NEBL: variants seen among roughly 807,000 people sequenced by gnomAD.
NEBL encodes LIM and SH3 protein 2.
In NEBL, 122 loss-of-function variants were observed where a neutral mutation model predicts 140.2. That is an observed-to-expected ratio of 0.87 (90% CI 0.75 to 1.01). NEBL has a LOEUF of 1.01. NEBL is among the 50% of genes least tolerant of loss of function. NEBL has a pLI of 0.00. For synonymous variants in NEBL, 436 were observed against 398.9 expected, an observed-to-expected ratio of 1.09 and a Z score of -1.11; for missense variants, 1,365 against 1,231.3, an observed-to-expected ratio of 1.11 and a Z score of -1.62.
intron 3 of NEBL, among the ~76,000 whole-genome samples, chr10:20,966,177 T>C (rs1188200041): frequency 6.6e-6 from 1 of 152,266 alleles, no homozygotes; most frequent in Non-Finnish European, 1.5e-5. Flanking sequence ...AAATTCTATA[T>C]ATGTCATATG....
At chr10:21,054,848 TTCAATTTC>T (rs1834939439) in intron 2 of NEBL, among the ~76,000 whole-genome samples, 1 of 152,194 alleles carries the variant, frequency 6.6e-6, no homozygotes, top group South Asian at 2.1e-4. Flanking sequence ...GCCCAAATTT[TTCAATTTC>T]ATGAAACTTG....
At chr10:21,246,800 C>T (rs1842522466) in intron 3 of NEBL, among the ~76,000 whole-genome samples, 1 of 152,094 alleles carries the variant, frequency 6.6e-6, no homozygotes, top group Non-Finnish European at 1.5e-5. Flanking sequence ...CACCACTGCA[C>T]TCCAGCCTGG....
intron 5 of NEBL, among the ~76,000 whole-genome samples, chr10:20,877,704 A>G (rs995025828): frequency 1.3e-5 from 2 of 152,144 alleles, no homozygotes; most frequent in Non-Finnish European, 2.9e-5. Context: ...CAAAGACCCC[A>G]TTTGCATAAT....
intron 4 of NEBL, among the ~76,000 whole-genome samples, chr10:20,949,591 A>G (rs1835351079): frequency 6.6e-6 from 1 of 152,232 alleles, no homozygotes; most frequent in Non-Finnish European, 1.5e-5. Context: ...TAGTAAAAAC[A>G]TATTTATGAA....
At chr10:20,802,075 A>G (rs1316576953) in intron 26 of NEBL, among the ~76,000 whole-genome samples, 1 of 152,212 alleles carries the variant, frequency 6.6e-6, no homozygotes, top group African/African-American at 2.4e-5. Context: ...AACACATAGC[A>G]TACCTGAAGC....
intron 7 of NEBL, chr10:20,868,359 T>G: frequency 3.0e-6 from 1 of 331,622 alleles, no homozygotes; most frequent in East Asian, 6.6e-5. Context: ...AACACAATTA[T>G]TTAGTATGAC....
intron 2 of NEBL, among the ~76,000 whole-genome samples, chr10:21,129,265 T>A (rs1463672481): frequency 6.6e-6 from 1 of 151,936 alleles, no homozygotes; most frequent in African/African-American, 2.4e-5. Context: ...AAAAATTTTT[T>A]AACTTTTTTA....
At chr10:21,162,734 T>C (rs1417005612) in intron 2 of NEBL, among the ~76,000 whole-genome samples, 4 of 152,146 alleles carry the variant, frequency 2.6e-5, no homozygotes, top group African/African-American at 4.8e-5. Flanking sequence ...TGATAGGTGA[T>C]ATAATTGAGG....
In NEBL at chr10:20,808,584, T is replaced by C; in HGVS notation, c.2687A>G (p.Asp896Gly). 1 of 1,613,666 alleles carries C rather than the reference T, an allele frequency of 6.2e-7. No individual in the cohort carries two copies. The highest frequency in any genetic ancestry group is 1.1e-5 in the South Asian group (1 of 91,068). The change falls in exon 26 of 28, where the codon GAC becomes GGC. Residue 896 changes from aspartate (D) to glycine (G), a missense_variant. Coordinates refer to ENST00000377122, the MANE Select transcript of NEBL (RefSeq NM_006393.3). Reference protein sequence around the residue: ...SSTFGTGLGDDRSEISEIYPS... With the variant: ...SSTFGTGLGDGRSEISEIYPS... ...GTAAATCTCGGAGATTTCTGACCTG[T>C]CGTCTCCGAGACCTGTACCGAAAGT...
chr10:20,932,702 T>C (rs1271634397), intron 4 of NEBL, among the ~76,000 whole-genome samples: 1 of 152,248 alleles, frequency 6.6e-6, no homozygotes, highest in African/African-American at 2.4e-5. Context: ...TCAATAGACT[T>C]GCTATTACGT....
At chr10:21,251,243 TA>T (rs1842584338) in intron 2 of NEBL, among the ~76,000 whole-genome samples, 1 of 152,160 alleles carries the variant, frequency 6.6e-6, no homozygotes, top group Non-Finnish European at 1.5e-5. Context: ...TCAAAATTAG[TA>T]AGATAGAAAT....
chr10:20,866,937 C>A (rs867971176), intron 7 of NEBL, among the ~76,000 whole-genome samples: 1 of 151,738 alleles, frequency 6.6e-6, no homozygotes, highest in South Asian at 2.1e-4. Context: ...AACATTGGAC[C>A]CAAATCTTAA....
intron 4 of NEBL, among the ~76,000 whole-genome samples, chr10:20,919,165 C>T (rs537378621): frequency 1.3e-5 from 2 of 152,274 alleles, no homozygotes; most frequent in East Asian, 3.9e-4. Context: ...GAGAAGGCAT[C>T]TGAGCTATAG....
chr10:21,154,259 G>A (rs1159423287), intron 2 of NEBL, among the ~76,000 whole-genome samples: 1 of 151,966 alleles, frequency 6.6e-6, no homozygotes, highest in African/African-American at 2.4e-5. Context: ...AGGAGTTCGA[G>A]ACCAACCTGA....
chr10:20,963,007 C>T (rs1334743333), intron 3 of NEBL, among the ~76,000 whole-genome samples: 1 of 24,726 alleles, frequency 4.0e-5, no homozygotes, highest in South Asian at 1.8e-3. Context: ...AAGAAAAACA[C>T]ACACACACAC....
At chr10:21,162,390 G>A (rs1840592593) in intron 2 of NEBL, among the ~76,000 whole-genome samples, 1 of 152,172 alleles carries the variant, frequency 6.6e-6, no homozygotes, top group Non-Finnish European at 1.5e-5. Flanking sequence ...CAGCCAGTTG[G>A]TCCAAACTGT....
At chr10:20,878,341 G>A (rs1056610732) in intron 5 of NEBL, among the ~76,000 whole-genome samples, 2 of 152,188 alleles carry the variant, frequency 1.3e-5, no homozygotes, top group African/African-American at 4.8e-5. Context: ...AGGTGAATCA[G>A]ATACACATAT....
intron 2 of NEBL, among the ~76,000 whole-genome samples, chr10:21,075,693 A>T (rs1836034006): frequency 6.6e-6 from 1 of 152,164 alleles, no homozygotes; most frequent in Admixed American, 6.5e-5. Context: ...ATATCACAGG[A>T]TGCTTGATTT....
At chr10:21,250,165 T>C (rs935564674) in intron 2 of NEBL, among the ~76,000 whole-genome samples, 3 of 152,216 alleles carry the variant, frequency 2.0e-5, no homozygotes, top group Admixed American at 6.5e-5. Flanking sequence ...CCTTGGTGTG[T>C]CTGTGAGGGT....
Sources: gnomAD v4.1 joint callset for allele counts (sites outside exome capture counted in the v4.1 genomes callset) on GRCh38, gnomAD v4.1.1 for gene constraint, MANE v1.5 for transcripts, NCBI Gene and HGNC (gene_info 2026-07-23, HGNC 2026-07-21) for gene names.